The following LGALS4 variants were observed in gnomAD, a reference collection of about 807,000 sequenced individuals.
LGALS4 encodes the protein galectin-4.
A neutral mutation model predicts 39.6 loss-of-function variants in LGALS4; 37 were observed. The ratio of observed to expected loss-of-function variants is 0.93; its 90% confidence interval spans 0.72 to 1.23. The LOEUF (loss-of-function observed/expected upper bound fraction) is 1.23, where lower values mean the gene tolerates loss of function less well. LGALS4 is among the 50% of genes most tolerant of loss of function. The probability of loss-of-function intolerance (pLI) is 0.00; values close to 1 mark genes in which losing one functional copy is unlikely to be tolerated. For missense variants in LGALS4, 397 were observed against 433.2 expected (o/e 0.92, Z 0.74); for synonymous variants, 160 against 165.5 (o/e 0.97, Z 0.25).
At position 38,812,416 on chromosome 19, in the gene LGALS4, T is replaced by C. The variant is rs1971504313; in HGVS notation, c.134+15A>G. Reference sequence around the variant, plus strand: ...AGTCCCCTGCCAGCCCGGCCTGGCTTGGGGAGGGTCTTACCGCTTCATGTG... The same window carrying C: ...AGTCCCCTGCCAGCCCGGCCTGGCTCGGGGAGGGTCTTACCGCTTCATGTG... On this transcript the variant is annotated intron_variant, in intron 2 of 9. Transcript: ENST00000307751. 3 of 1,611,996 alleles carry C rather than the reference T, an allele frequency of 1.9e-6. No homozygotes were observed. The highest frequency in any genetic ancestry group is 2.5e-6 in the Non-Finnish European group (3 of 1,178,292).
intron 3 of LGALS4, among the ~76,000 whole-genome samples, chr19:38,807,551 C>G (rs1971436670): frequency 1.3e-5 from 2 of 151,718 alleles, no homozygotes; most frequent in Admixed American, 1.3e-4. Context: ...GCGCCTCTGC[C>G]CGGCCGCCCC....
At chr19:38,805,149 G>A (rs1293306280) in intron 4 of LGALS4, among the ~76,000 whole-genome samples, 2 of 140,992 alleles carry the variant, frequency 1.4e-5, no homozygotes, top group African/African-American at 5.5e-5. Flanking sequence ...GGGTGACAGA[G>A]CCAGACCCTG....
At chr19:38,811,003 G>A (rs1971487331) in intron 2 of LGALS4, among the ~76,000 whole-genome samples, 1 of 149,342 alleles carries the variant, frequency 6.7e-6, no homozygotes, top group Non-Finnish European at 1.5e-5. Context: ...CCAGGTTCAA[G>A]TGATTCTCCT....
Position 38,806,577 on chromosome 19 carries a change from G to T in LGALS4, c.358C>A (p.Pro120Thr), listed in dbSNP as rs776353281. The T allele has an allele frequency of 1.5e-5, 24 of 1,613,810 alleles. No individual in the cohort carries two copies. Among genetic ancestry groups the T allele is most frequent in the Non-Finnish European group, 1.8e-5 (21 of 1,179,962 alleles). The change falls in exon 4 of 10, where the codon CCC (proline) becomes ACC (threonine). Residue 120 changes from proline (P) to threonine (T), a missense_variant. Pro to Thr is a conservative substitution (Grantham distance 38). Transcript: ENST00000307751. ...EHYKVVVNGN[P>T]FYEYGHRLPL... ...AGCCGGTGCCCGTACTCATAGAAGG[G>T]ATTTCCATTTACCACCACCTGGAGG...
At chr19:38,812,671 G>A (rs1271187657) in intron 1 of LGALS4, 152 bp from the exon 2 acceptor site, 1 of 932,856 alleles carries the variant, frequency 1.1e-6, no homozygotes, top group East Asian at 2.4e-5. Flanking sequence ...AGTTAGACGT[G>A]GACACAGACA....
At position 38,803,888 on chromosome 19, in the gene LGALS4, G is replaced by T. The variant is rs767409129; in HGVS notation, c.482C>A (p.Pro161Gln). 6.2e-7 allele frequency: 1 copy of T among 1,609,346 alleles called. No individual in the cohort carries two copies. The highest frequency in any genetic ancestry group is 1.1e-5 in the South Asian group (1 of 90,244). Residue 161 changes from proline (P) to glutamine (Q), a missense_variant, in exon 5 of 10, where the codon CCG becomes CAG. Physicochemically the swap from Pro to Gln is moderately conservative, Grantham distance 76. Transcript: ENST00000307751. The stretch of plus-strand genomic sequence containing the variant: ...ACTTACAGGGTAAGGTGGCATCATC[G>T]GGGGTCCCTGTGGGCACAGAAAGAG... ...GGQPLRPQGP[P>Q]MMPPYPGPGH... is the part of the protein sequence containing the mutation.
chr19:38,803,868 C>A lies in LGALS4; in HGVS notation c.501+1G>T. ...ACCCTCACCTATCAGCAAGTACTTA[C>A]AGGGTAAGGTGGCATCATCGGGGGT... On this transcript the variant is annotated splice_donor_variant, in intron 5 of 9. Coordinates refer to ENST00000307751, the MANE Select transcript of LGALS4 (RefSeq NM_006149.4). LOFTEE classifies it high-confidence loss of function. 2 of 1,611,722 alleles carry A rather than the reference C, an allele frequency of 1.2e-6. No individual in the cohort carries two copies. Among genetic ancestry groups the A allele is most frequent in the Non-Finnish European group, 1.7e-6 (2 of 1,178,854 alleles).
At chr19:38,806,406 A>G in intron 4 of LGALS4, 55 bp downstream of exon 4, 1 of 1,548,314 alleles carries the variant, frequency 6.5e-7, no homozygotes, top group Non-Finnish European at 8.7e-7. Context: ...AAAAAAATGA[A>G]TGTGGAACTG....
chr19:38,810,736 C>G (rs1486098713), intron 2 of LGALS4, among the ~76,000 whole-genome samples: 1 of 151,754 alleles, frequency 6.6e-6, no homozygotes, highest in East Asian at 1.9e-4. Flanking sequence ...CTTAGCCACC[C>G]AAAGTGCTGG....
At chr19:38,804,586 T>G (rs1395758470) in intron 4 of LGALS4, among the ~76,000 whole-genome samples, 1 of 152,176 alleles carries the variant, frequency 6.6e-6, no homozygotes, top group Non-Finnish European at 1.5e-5. Context: ...CTCTGTTACC[T>G]TCTCTTTTCT....
intron 3 of LGALS4, among the ~76,000 whole-genome samples, chr19:38,807,480 G>A (rs776390735): frequency 9.2e-5 from 14 of 152,146 alleles, no homozygotes; most frequent in Non-Finnish European, 1.5e-4. Flanking sequence ...AAGGAAAAGC[G>A]CTAAAAGAGG....
intron 4 of LGALS4, among the ~76,000 whole-genome samples, chr19:38,804,404 G>A (rs756547352): frequency 2.0e-5 from 3 of 151,922 alleles, no homozygotes; most frequent in Non-Finnish European, 2.9e-5. Flanking sequence ...CTCAGCCTCC[G>A]GTGTAGCTGG....
intron 2 of LGALS4, among the ~76,000 whole-genome samples, chr19:38,811,365 C>T (rs143438107): frequency 4.0e-4 from 61 of 152,148 alleles, no homozygotes; most frequent in African/African-American, 1.3e-3. Context: ...GTGGCTCATA[C>T]CAGTGCCTGA....
At chr19:38,809,055 G>A (rs536895876) in intron 2 of LGALS4, 107 bp from the exon 3 acceptor site, 168 of 922,450 alleles carry the variant, frequency 1.8e-4, no homozygotes, top group Middle Eastern at 3.4e-4. Context: ...TCCCTGGCCC[G>A]GACCTCAGCA....
At chr19:38,808,426 C>A (rs187279917) in intron 3 of LGALS4, among the ~76,000 whole-genome samples, 1 of 151,926 alleles carries the variant, frequency 6.6e-6, no homozygotes, top group East Asian at 1.9e-4. Context: ...GAGTTCGAGG[C>A]CAGCCTGGGC....
chr19:38,802,424 G>C lies in LGALS4; in HGVS notation c.571-20C>G. ...CACAGGCTGTGGGAAGAGAACGGGG[G>C]GTCCCATTCTCTCTCAGCTTAGCAG... On this transcript the variant is annotated intron_variant, in intron 7 of 9. Coordinates refer to ENST00000307751, the MANE Select transcript of LGALS4 (RefSeq NM_006149.4). 6.3e-7 allele frequency: 1 copy of C among 1,583,290 alleles called. No individual in the cohort carries two copies. The highest frequency in any genetic ancestry group is 8.7e-7 in the Non-Finnish European group (1 of 1,151,974).
intron 7 of LGALS4, among the ~76,000 whole-genome samples, chr19:38,802,642 G>A (rs1038373650): frequency 5.3e-5 from 8 of 151,668 alleles, no homozygotes; most frequent in Admixed American, 4.6e-4. Context: ...TTACAGGCGT[G>A]AGCCACCACG....
intron 7 of LGALS4, 153 bp downstream of exon 7, chr19:38,803,369 C>T: frequency 1.4e-6 from 1 of 712,776 alleles, no homozygotes; most frequent in South Asian, 1.8e-5. Flanking sequence ...ATCCCCAATT[C>T]CTTCTGCTCC....
intron 4 of LGALS4, among the ~76,000 whole-genome samples, 160 bp from the exon 5 acceptor site, chr19:38,804,055 G>A (rs1971394003): frequency 6.6e-6 from 1 of 152,116 alleles, no homozygotes; most frequent in Non-Finnish European, 1.5e-5. Context: ...TCACGGAGAG[G>A]GGCACCCCAT....
Sources: allele counts gnomAD v4.1 joint callset (sites outside exome capture counted in the v4.1 genomes callset), GRCh38; gene constraint gnomAD v4.1.1; transcripts MANE v1.5; gene names NCBI Gene and HGNC (gene_info 2026-07-23, HGNC 2026-07-21).